The following SYN3 variants were observed in gnomAD, a reference collection of about 807,000 sequenced individuals.
SYN3 encodes the protein synapsin-3.
In SYN3, 35 loss-of-function variants were observed where a neutral mutation model predicts 65.8. The ratio of observed to expected loss-of-function variants is 0.53; its 90% confidence interval spans 0.41 to 0.70. The LOEUF is 0.70. Among genes scored for constraint, SYN3 ranks in the 30% least tolerant of loss-of-function variants. SYN3 has a pLI of 0.00. For synonymous variants in SYN3, 270 were observed against 292.9 expected, an observed-to-expected ratio of 0.92 and a Z score of 0.80; for missense variants, 680 against 749.0, an observed-to-expected ratio of 0.91 and a Z score of 1.08.
chr22:32,809,412 C>A (rs1195087537), intron 6 of SYN3, among the ~76,000 whole-genome samples: 4 of 152,200 alleles, frequency 2.6e-5, no homozygotes, highest in Non-Finnish European at 5.9e-5. Flanking sequence ...GCCTTCCCTG[C>A]TGCCCCCAAA....
chr22:32,762,629 C>CG (rs4422), intron 6 of SYN3, among the ~76,000 whole-genome samples: 63,356 of 151,948 alleles, frequency 0.42, 13,279 homozygotes, highest in Middle Eastern at 0.47. Context: ...GCCAGGGTCG[C>CG]GAAACCCAGT....
In SYN3 at chr22:32,508,122, G is replaced by C. The variant is rs957540183; in HGVS notation, c.*5570C>G. Among the ~76,000 whole-genome samples the C allele has an allele frequency of 2.0e-5, 3 of 152,154 alleles. No individual in the cohort carries two copies. Among genetic ancestry groups the C allele is most frequent in the Non-Finnish European group, 2.9e-5 (2 of 68,040 alleles). On this transcript the variant is annotated 3_prime_UTR_variant, in exon 14 of 14. Transcript: ENST00000358763. ...CCATCGCATCCCCTGTGACTTGCGC[G>C]TATACGCCCAGATGGCCTGAAGTAA...
At chr22:32,693,554 CCT>C (rs1376395756) in intron 6 of SYN3, among the ~76,000 whole-genome samples, 1 of 149,858 alleles carries the variant, frequency 6.7e-6, no homozygotes, top group African/African-American at 2.5e-5. Context: ...AGTTGTTTGG[CCT>C]AAATCGGGTA....
intron 12 of SYN3, among the ~76,000 whole-genome samples, chr22:32,526,237 G>A (rs2057974346): frequency 1.3e-5 from 2 of 152,030 alleles, no homozygotes; most frequent in African/African-American, 2.4e-5. Context: ...GTCTTGAACC[G>A]AACCAGCAAT....
chr22:32,791,213 G>A (rs577028133), intron 6 of SYN3, among the ~76,000 whole-genome samples: 127 of 152,280 alleles, frequency 8.3e-4, no homozygotes, highest in African/African-American at 2.8e-3. Context: ...ACATAGCAGC[G>A]CTCAGTAAAT....
intron 7 of SYN3, among the ~76,000 whole-genome samples, chr22:32,576,249 A>T (rs2058848757): frequency 6.6e-6 from 1 of 152,276 alleles, no homozygotes. Flanking sequence ...TATTAATAGT[A>T]TGGCCATTCT....
chr22:32,767,116 G>A (rs1052203633), intron 6 of SYN3, among the ~76,000 whole-genome samples: 10 of 152,076 alleles, frequency 6.6e-5, no homozygotes, highest in Admixed American at 4.6e-4. Context: ...TCCCTACTGC[G>A]CATCAGGGAT....
chr22:32,916,691 C>T (rs2050195430), intron 4 of SYN3, among the ~76,000 whole-genome samples: 1 of 152,152 alleles, frequency 6.6e-6, no homozygotes, highest in East Asian at 1.9e-4. Context: ...CATGCAAACT[C>T]CTGGGTCTCA....
chr22:32,606,829 ATAAG>A (rs1375597423), intron 6 of SYN3, among the ~76,000 whole-genome samples: 4 of 151,362 alleles, frequency 2.6e-5, no homozygotes, highest in East Asian at 3.9e-4. Context: ...TAATTTTTAA[ATAAG>A]TATTTATTTA....
At chr22:32,825,760 A>G (rs2047391918) in intron 6 of SYN3, among the ~76,000 whole-genome samples, 1 of 151,172 alleles carries the variant, frequency 6.6e-6, no homozygotes, top group Non-Finnish European at 1.5e-5. Context: ...ATGTGCATGT[A>G]CAGATATAAA....
At chr22:33,005,453 C>T (rs1033134969) in intron 2 of SYN3, among the ~76,000 whole-genome samples, 1 of 152,224 alleles carries the variant, frequency 6.6e-6, no homozygotes, top group African/African-American at 2.4e-5. Context: ...TAGACTTATT[C>T]TCCAAATGCA....
intron 6 of SYN3, among the ~76,000 whole-genome samples, chr22:32,699,924 C>G (rs750597446): frequency 6.6e-6 from 1 of 152,108 alleles, no homozygotes; most frequent in Non-Finnish European, 1.5e-5. Flanking sequence ...AATAGAAGAG[C>G]ACTTTGAGGT....
At chr22:32,856,950 G>A (rs1346197706) in intron 6 of SYN3, among the ~76,000 whole-genome samples, 3 of 152,156 alleles carry the variant, frequency 2.0e-5, no homozygotes, top group African/African-American at 4.8e-5. Flanking sequence ...TTAGCAAAAC[G>A]ACCTCCAGTT....
chr22:32,757,586 C>T lies in SYN3; in HGVS notation c.711+107329G>A, dbSNP rs146149006. On this transcript the variant is annotated intron_variant, in intron 6 of 13. Transcript: ENST00000358763. ...TGCTGGGATTACAGGCGTGAACCAC[C>T]GTGCCCGGCCTGGGCTCCTCCTACC... Among the ~76,000 whole-genome samples the T allele has an allele frequency of 3.5e-3, 539 of 151,874 alleles. 4 individuals are homozygous for T. The highest frequency in any genetic ancestry group is 5.0e-3 in the Non-Finnish European group (341 of 67,938).
At chr22:32,692,155 C>CAAAAAAAAAAA (rs1188224009) in intron 6 of SYN3, among the ~76,000 whole-genome samples, 1 of 34,490 alleles carries the variant, frequency 2.9e-5, no homozygotes, top group African/African-American at 1.9e-4. Flanking sequence ...GACAAAAAGA[C>CAAAAAAAAAAA]AAAAAAAAAA....
chr22:32,564,711 G>A (rs535469820), intron 7 of SYN3, among the ~76,000 whole-genome samples: 27 of 151,338 alleles, frequency 1.8e-4, no homozygotes, highest in Non-Finnish European at 3.4e-4. Flanking sequence ...CACCCAAACA[G>A]TGCTCCCGGA....
At chr22:32,657,999 G>A (rs2060165579) in intron 6 of SYN3, among the ~76,000 whole-genome samples, 1 of 152,230 alleles carries the variant, frequency 6.6e-6, no homozygotes, top group Non-Finnish European at 1.5e-5. Context: ...GAGAGTAAGT[G>A]CCTCACACAG....
intron 6 of SYN3, among the ~76,000 whole-genome samples, chr22:32,664,989 T>C (rs1247127124): frequency 7.8e-6 from 1 of 127,736 alleles, no homozygotes; most frequent in Non-Finnish European, 1.6e-5. Context: ...TAATGTATAA[T>C]TCTTTTTTTT....
chr22:32,722,566 C>T (rs541166012), intron 6 of SYN3, among the ~76,000 whole-genome samples: 5 of 152,318 alleles, frequency 3.3e-5, no homozygotes, highest in Admixed American at 6.5e-5. Context: ...GTCTCTTACT[C>T]GGACAGTGCC....
Sources: allele counts gnomAD v4.1 joint callset (sites outside exome capture counted in the v4.1 genomes callset), GRCh38; gene constraint gnomAD v4.1.1; transcripts MANE v1.5; gene names NCBI Gene and HGNC (gene_info 2026-07-23, HGNC 2026-07-21).